AKT3: variants seen among roughly 807,000 people sequenced by gnomAD.
The protein encoded by AKT3 is AKT serine/threonine kinase 3, also known as RAC-gamma serine/threonine-protein kinase.
Under a neutral mutation model 65.3 loss-of-function variants are expected in AKT3, and 15 were observed. That is an observed-to-expected ratio of 0.23 (90% CI 0.15 to 0.35). The LOEUF is 0.35. Ranked by LOEUF, AKT3 falls within the 10% of genes least tolerant of loss-of-function variation. The pLI is 1.00. For synonymous variants in AKT3, 206 were observed against 183.8 expected, an observed-to-expected ratio of 1.12 and a Z score of -0.98; for missense variants, 243 against 576.5, an observed-to-expected ratio of 0.42 and a Z score of 5.92.
chr1:243,517,995 G>A (rs1441510846), intron 12 of AKT3, among the ~76,000 whole-genome samples: 1 of 152,192 alleles, frequency 6.6e-6, no homozygotes, highest in East Asian at 1.9e-4. Flanking sequence ...CAGTGAGCAT[G>A]TAGTGTACCT....
At position 243,606,127 on chromosome 1, in the gene AKT3, C is replaced by T. The variant is rs536719400; in HGVS notation, c.696+7544G>A. On this transcript the variant is annotated intron_variant, in intron 8 of 13. Coordinates refer to ENST00000673466, the MANE Select transcript of AKT3 (RefSeq NM_005465.7). ...CTTTCCTTTATAAATTACCCAGTCT[C>T]GGGCAGTTCACAGCAGCATGAGAAC... is the stretch of plus-strand genomic sequence containing the variant. Among the ~76,000 whole-genome samples, 58 of 152,254 alleles carry T rather than the reference C, an allele frequency of 3.8e-4. 1 individual carries two copies. Among genetic ancestry groups the T allele is most frequent in the African/African-American group, 1.2e-3 (48 of 41,570 alleles).
chr1:243,489,000 G>A (rs764175780), intron 13 of AKT3: 4 of 1,613,300 alleles, frequency 2.5e-6, no homozygotes, highest in Non-Finnish European at 3.4e-6. Context: ...ATTCTGCGGT[G>A]GATTTTTCTC....
In AKT3 at chr1:243,614,157, A is replaced by G. The variant is rs544995056; in HGVS notation, c.628-418T>C. On this transcript the variant is annotated intron_variant, in intron 7 of 13. Coordinates refer to ENST00000673466, the MANE Select transcript of AKT3 (RefSeq NM_005465.7). ...AGGTTTCTAATACAATGACAACATC[A>G]CTTTTTGCATATTGAGTGCACAACA... Among the ~76,000 whole-genome samples, 13 of 152,292 alleles carry G rather than the reference A, an allele frequency of 8.5e-5. No individual in the cohort carries two copies. In the East Asian group the frequency reaches 2.5e-3, roughly 29 times the overall value.
At chr1:243,747,752 C>A (rs912242215) in intron 2 of AKT3, among the ~76,000 whole-genome samples, 1 of 152,110 alleles carries the variant, frequency 6.6e-6, no homozygotes, top group African/African-American at 2.4e-5. Flanking sequence ...TGTAAACTGA[C>A]TTTATCCATA....
At chr1:243,578,527 T>C (rs970494207) in intron 8 of AKT3, among the ~76,000 whole-genome samples, 1 of 151,992 alleles carries the variant, frequency 6.6e-6, no homozygotes, top group Non-Finnish European at 1.5e-5. Context: ...ACATTAGGGC[T>C]TGTGGGGCAG....
At chr1:243,495,613 C>T (rs1160925543), downstream of AKT3, among the ~76,000 whole-genome samples, 1 of 152,180 alleles carries the variant, frequency 6.6e-6, no homozygotes, top group Non-Finnish European at 1.5e-5. Context: ...GAACTTCAGT[C>T]GCTGTGCTGG....
intron 11 of AKT3, among the ~76,000 whole-genome samples, chr1:243,550,546 G>A (rs1672975930): frequency 1.3e-5 from 2 of 151,954 alleles, no homozygotes; most frequent in Non-Finnish European, 2.9e-5. Flanking sequence ...TATAAAGAGG[G>A]CCACAAAGTA....
chr1:243,607,479 G>A (rs1227843847), intron 8 of AKT3, among the ~76,000 whole-genome samples: 1 of 152,066 alleles, frequency 6.6e-6, no homozygotes, highest in Admixed American at 6.5e-5. Flanking sequence ...CCTTTGTTTT[G>A]GCCAATTTCT....
intron 2 of AKT3, among the ~76,000 whole-genome samples, chr1:243,755,363 C>T (rs985060302): frequency 4.6e-5 from 7 of 151,986 alleles, no homozygotes; most frequent in East Asian, 1.9e-4. Context: ...CATAAGTCGC[C>T]GTGCCCGGTC....
At chr1:243,692,107 T>C (rs1178588351) in intron 3 of AKT3, among the ~76,000 whole-genome samples, 2 of 152,188 alleles carry the variant, frequency 1.3e-5, no homozygotes, top group African/African-American at 2.4e-5. Flanking sequence ...ACAGGGTTCA[T>C]GACATGATCT....
chr1:243,575,499 C>T (rs1674873273), intron 8 of AKT3, among the ~76,000 whole-genome samples: 1 of 152,092 alleles, frequency 6.6e-6, no homozygotes, highest in Non-Finnish European at 1.5e-5. Flanking sequence ...TTTTGTATAT[C>T]AATCATAACT....
intron 10 of AKT3, among the ~76,000 whole-genome samples, chr1:243,562,011 A>G (rs1015086136): frequency 2.6e-5 from 4 of 152,184 alleles, no homozygotes; most frequent in Non-Finnish European, 4.4e-5. Flanking sequence ...CCATAAAAGG[A>G]GATGCATAAA....
intron 2 of AKT3, among the ~76,000 whole-genome samples, chr1:243,796,740 C>G (rs1692037733): frequency 6.6e-6 from 1 of 152,056 alleles, no homozygotes; most frequent in Non-Finnish European, 1.5e-5. Context: ...TTTCAGATCT[C>G]AGTTCAAAGG....
At position 243,500,911 on chromosome 1, in the gene AKT3, A is replaced by G. The variant is rs1240438199; in HGVS notation, c.*4338T>C. 1 of 228,298 alleles carries G rather than the reference A, an allele frequency of 4.4e-6. No individual in the cohort carries two copies. Among genetic ancestry groups the G allele is most frequent in the Non-Finnish European group, 8.7e-6 (1 of 115,032 alleles). The allele number at this position is 228,298 out of a possible 1,614,324, so 14.1% of individuals were successfully genotyped here. On this transcript the variant is annotated 3_prime_UTR_variant, in exon 14 of 14. Transcript: ENST00000673466. The stretch of plus-strand genomic sequence containing the variant: ...ATGTGCTAGACATAAAGGCTGTCAC[A>G]TAAGATATTTTAATTGTCCTTAATT...
chr1:243,768,958 T>C (rs78819992), intron 2 of AKT3, among the ~76,000 whole-genome samples: 1 of 152,250 alleles, frequency 6.6e-6, no homozygotes, highest in East Asian at 1.9e-4. Flanking sequence ...CCAGAACTTT[T>C]CATCGCCCCA....
intron 3 of AKT3, among the ~76,000 whole-genome samples, chr1:243,668,467 G>C (rs756522385): frequency 2.0e-5 from 3 of 152,084 alleles, no homozygotes; most frequent in Middle Eastern, 3.4e-3. Context: ...AGGATATAAA[G>C]TCATCGGGAA....
In AKT3 at chr1:243,843,251, C is replaced by CT; in HGVS notation, c.-82dup. 1.3e-6 allele frequency: 2 copies of CT among 1,550,568 alleles called. No homozygotes were observed. Among genetic ancestry groups the CT allele is most frequent in the Non-Finnish European group, 1.7e-6 (2 of 1,143,370 alleles). On this transcript the variant is annotated 5_prime_UTR_variant, in exon 2 of 14. Transcript: ENST00000673466. ...TTAGGGTTTGGATTCTCTGCTGCTG[C>CT]TGCCCTTCCCACTCTCTAGTGATGA...
At chr1:243,513,387 G>A (rs3006937) in intron 12 of AKT3, among the ~76,000 whole-genome samples, 7,363 of 152,148 alleles carry the variant, frequency 0.048, 607 homozygotes, top group African/African-American at 0.17. Context: ...CAGTTCTCAC[G>A]GGGATAGGAA....
rs1676824637 is a variant in AKT3 at position 243,599,007 on chromosome 1, T to A, written c.696+14664A>T. Among the ~76,000 whole-genome samples, 3 of 152,136 alleles carry A rather than the reference T, an allele frequency of 2.0e-5. No individual in the cohort carries two copies. In the South Asian group the frequency reaches 6.2e-4, roughly 32 times the overall value. On this transcript the variant is annotated intron_variant, in intron 8 of 13. Coordinates refer to ENST00000673466, the MANE Select transcript of AKT3 (RefSeq NM_005465.7). ...CTAAAATCTCCTGTATAGGAGAACA[T>A]TTGTGGGGATGTTATTTTTATCGTG...
Sources: allele counts gnomAD v4.1 joint callset (sites outside exome capture counted in the v4.1 genomes callset), GRCh38; gene constraint gnomAD v4.1.1; transcripts MANE v1.5; gene names NCBI Gene and HGNC (gene_info 2026-07-23, HGNC 2026-07-21).